ARHGEF28: variants seen among roughly 807,000 people sequenced by gnomAD.
The protein encoded by ARHGEF28 is 190 kDa guanine nucleotide exchange factor.
A neutral mutation model predicts 206.6 loss-of-function variants in ARHGEF28; 152 were observed. That is an observed-to-expected ratio of 0.74 (90% CI 0.64 to 0.84). The LOEUF (loss-of-function observed/expected upper bound fraction) is 0.84. ARHGEF28 is among the 40% of genes least tolerant of loss of function. ARHGEF28 has a pLI of 0.00. For missense variants in ARHGEF28, 2,028 were observed against 2,073.2 expected (o/e 0.98, Z 0.42); for synonymous variants, 763 against 776.4 (o/e 0.98, Z 0.29).
intron 10 of ARHGEF28, chr5:73,835,179 C>T (rs1166451085): frequency 2.6e-5 from 4 of 152,122 alleles, no homozygotes; most frequent in Non-Finnish European, 5.9e-5. Context: ...CCATAAAAAC[C>T]CAAAAGGACG....
chr5:73,787,541 C>G (rs113871920), intron 7 of ARHGEF28, among the ~76,000 whole-genome samples: 2,606 of 152,272 alleles, frequency 0.017, 66 homozygotes, highest in African/African-American at 0.059. Context: ...TCCCCTACCC[C>G]CTACCCTCTG....
Position 73,909,663 on chromosome 5 carries a change from G to C in ARHGEF28, c.4413G>C (p.Trp1471Cys). ...GGGCGCAGGCGACCAGGGAGAGCTGGCTGCAGGAGCGGGAGCGGGAGTGCC... is the reference window on the plus strand; with the variant it reads ...GGGCGCAGGCGACCAGGGAGAGCTGCCTGCAGGAGCGGGAGCGGGAGTGCC... ...QQRAQATRESWLQERERECQS... is the reference protein window; with the variant it reads ...QQRAQATRESCLQERERECQS... The change falls in exon 34 of 36, where the codon TGG (tryptophan) becomes TGC (cysteine). Residue 1471 changes from tryptophan to cysteine, a missense_variant. Physicochemically the swap from Trp to Cys is radical, Grantham distance 215. Transcript: ENST00000513042. 2 of 1,544,294 alleles carry C rather than the reference G, an allele frequency of 1.3e-6. No individual in the cohort carries two copies. Among genetic ancestry groups the C allele is most frequent in the Non-Finnish European group, 1.7e-6 (2 of 1,144,052 alleles).
intron 9 of ARHGEF28, among the ~76,000 whole-genome samples, chr5:73,808,538 A>G: frequency 6.6e-6 from 1 of 152,156 alleles, no homozygotes; most frequent in East Asian, 1.9e-4. Flanking sequence ...GCTTGCTGAG[A>G]AATGACATGG....
At chr5:73,701,755 C>T (rs1253661217) in intron 2 of ARHGEF28, among the ~76,000 whole-genome samples, 1 of 152,118 alleles carries the variant, frequency 6.6e-6, no homozygotes, top group African/African-American at 2.4e-5. Flanking sequence ...CAGCATAATG[C>T]CCTTAAGAAA....
chr5:73,939,761 G>C lies in ARHGEF28; in HGVS notation c.4949-1083G>C, dbSNP rs145162456. ...TAGCAACCAAAGATCCTTGTCAGGA[G>C]GGCAAAGGCCACAAGCATTTGTGTC... On this transcript the variant is annotated intron_variant, in intron 35 of 35. Transcript: ENST00000513042. Among the ~76,000 whole-genome samples, 270 of 152,348 alleles carry C rather than the reference G, an allele frequency of 1.8e-3. 3 individuals carry two copies. Among genetic ancestry groups the C allele is most frequent in the Middle Eastern group, 0.01 (3 of 294 alleles).
At chr5:73,776,464 T>C in intron 5 of ARHGEF28, 52 bp from the exon 6 acceptor site, 2 of 1,505,580 alleles carry the variant, frequency 1.3e-6, no homozygotes, top group South Asian at 1.4e-5. Flanking sequence ...GCTGGGATCC[T>C]GGGGCTGGTG....
intron 26 of ARHGEF28, among the ~76,000 whole-genome samples, chr5:73,888,831 A>G (rs1185645088): frequency 2.0e-5 from 3 of 152,094 alleles, no homozygotes; most frequent in Non-Finnish European, 4.4e-5. Context: ...TAAGTGAGGT[A>G]TTAGGAATGC....
intron 35 of ARHGEF28, among the ~76,000 whole-genome samples, chr5:73,913,606 G>A (rs993603832): frequency 6.6e-6 from 1 of 152,150 alleles, no homozygotes; most frequent in Non-Finnish European, 1.5e-5. Context: ...GCGGGGGGCC[G>A]GACAGGAAGA....
At position 73,869,940 on chromosome 5, in the gene ARHGEF28, G is replaced by C. The variant is rs922761983; in HGVS notation, c.2426-129G>C. 10 of 1,090,854 alleles carry C rather than the reference G, an allele frequency of 9.2e-6. No homozygotes were observed. In the African/African-American group the frequency reaches 1.3e-4, roughly 14 times the overall value. The allele number at this position is 1,090,854 out of a possible 1,614,324, so 67.6% of individuals were successfully genotyped here. On this transcript the variant is annotated intron_variant, in intron 20 of 35. Coordinates refer to ENST00000513042, the MANE Select transcript of ARHGEF28 (RefSeq NM_001177693.2). ...CAGATGTTTCACTCCATGTTAATAT[G>C]TTTTGGTTTAGTAGTTTCCATGTTC...
chr5:73,913,570 A>G (rs1763031188), intron 35 of ARHGEF28, among the ~76,000 whole-genome samples: 3 of 152,174 alleles, frequency 2.0e-5, no homozygotes, highest in Non-Finnish European at 4.4e-5. Flanking sequence ...GGCGCTTGCC[A>G]CACATGATCT....
intron 2 of ARHGEF28, among the ~76,000 whole-genome samples, chr5:73,748,019 G>A (rs1321349362): frequency 6.6e-6 from 1 of 151,960 alleles, no homozygotes; most frequent in Non-Finnish European, 1.5e-5. Context: ...TATATAATTT[G>A]TTTTTTTATT....
chr5:73,872,787 G>T (rs1383080956), intron 21 of ARHGEF28, among the ~76,000 whole-genome samples: 2 of 152,120 alleles, frequency 1.3e-5, no homozygotes, highest in Non-Finnish European at 2.9e-5. Context: ...TGACATATAT[G>T]TCCTCTTTAA....
intron 18 of ARHGEF28, 37 bp downstream of exon 18, chr5:73,866,050 T>C (rs763231167): frequency 1.4e-6 from 2 of 1,478,726 alleles, no homozygotes; most frequent in Non-Finnish European, 9.3e-7. Context: ...CTTTTAAAAA[T>C]TTAATACATA....
At chr5:73,927,628 G>A (rs1370021778) in intron 35 of ARHGEF28, among the ~76,000 whole-genome samples, 1 of 152,026 alleles carries the variant, frequency 6.6e-6, no homozygotes, top group African/African-American at 2.4e-5. Context: ...TCAGTAGCTG[G>A]GACTATAGGC....
chr5:73,681,203 C>T (rs1052898599), intron 1 of ARHGEF28, among the ~76,000 whole-genome samples: 28 of 151,328 alleles, frequency 1.9e-4, no homozygotes, highest in African/African-American at 5.8e-4. Flanking sequence ...TTGTGAAAGA[C>T]TGGAATTGTA....
intron 14 of ARHGEF28, among the ~76,000 whole-genome samples, chr5:73,857,030 A>G (rs1249789904): frequency 6.6e-6 from 1 of 152,160 alleles, no homozygotes; most frequent in Non-Finnish European, 1.5e-5. Flanking sequence ...TGGGTTGGGT[A>G]CAGTTACCTC....
chr5:73,775,210 T>C (rs1254018229), intron 5 of ARHGEF28, among the ~76,000 whole-genome samples: 1 of 152,218 alleles, frequency 6.6e-6, no homozygotes, highest in Non-Finnish European at 1.5e-5. Context: ...ACTTCATCTG[T>C]TGGTAGCTTT....
At chr5:73,913,858 C>G (rs746775834) in intron 35 of ARHGEF28, among the ~76,000 whole-genome samples, 1 of 152,166 alleles carries the variant, frequency 6.6e-6, no homozygotes, top group Non-Finnish European at 1.5e-5. Context: ...TTCAGTCACT[C>G]TTTCATTGTT....
chr5:73,682,396 G>A (rs573617113), intron 1 of ARHGEF28, among the ~76,000 whole-genome samples: 1 of 150,800 alleles, frequency 6.6e-6, no homozygotes, highest in East Asian at 2.0e-4. Flanking sequence ...GGGGATTACT[G>A]TACTAAATAT....
Sources: allele counts gnomAD v4.1 joint callset (sites outside exome capture counted in the v4.1 genomes callset), GRCh38; gene constraint gnomAD v4.1.1; transcripts MANE v1.5; gene names NCBI Gene and HGNC (gene_info 2026-07-23, HGNC 2026-07-21).